The following TACR1 variants were observed in gnomAD, a reference collection of about 807,000 sequenced individuals.
TACR1 encodes tachykinin receptor 1, also known as substance-P receptor.
A neutral mutation model predicts 35.8 loss-of-function variants in TACR1; 25 were observed. That is an observed-to-expected ratio of 0.70 (90% CI 0.51 to 0.98). The LOEUF (loss-of-function observed/expected upper bound fraction) is 0.98, where lower values mean the gene tolerates loss of function less well. TACR1 is among the 50% of genes least tolerant of loss of function. The pLI is 0.00. For missense variants in TACR1, 478 were observed against 522.9 expected (o/e 0.91, Z 0.84); for synonymous variants, 195 against 206.7 (o/e 0.94, Z 0.48).
At chr2:75,089,719 G>A (rs1182954247) in intron 2 of TACR1, among the ~76,000 whole-genome samples, 1 of 152,146 alleles carries the variant, frequency 6.6e-6, no homozygotes. Flanking sequence ...CAGTACCTTA[G>A]GTGAGAGGTG....
chr2:75,145,042 G>A (rs867596996), intron 1 of TACR1, among the ~76,000 whole-genome samples: 53 of 151,916 alleles, frequency 3.5e-4, no homozygotes, highest in Admixed American at 2.9e-3. Context: ...CAGCCTGAGC[G>A]GAATAAGATT....
chr2:75,121,975 A>G (rs920300078), intron 1 of TACR1, among the ~76,000 whole-genome samples: 3 of 152,164 alleles, frequency 2.0e-5, no homozygotes, highest in Admixed American at 6.5e-5. Flanking sequence ...TCTAGACCAG[A>G]ATTAGGACCA....
intron 2 of TACR1, among the ~76,000 whole-genome samples, chr2:75,091,242 C>T (rs540217469): frequency 1.3e-5 from 2 of 150,530 alleles, no homozygotes; most frequent in South Asian, 2.1e-4. Context: ...CCTGAATTTC[C>T]GCTCCTAACT....
intron 2 of TACR1, among the ~76,000 whole-genome samples, chr2:75,069,726 T>C (rs569383276): frequency 6.6e-6 from 1 of 152,350 alleles, no homozygotes; most frequent in Non-Finnish European, 1.5e-5. Context: ...GACAGTCCCT[T>C]ATCTGGAATT....
At chr2:75,163,055 A>G (rs1011556842) in intron 1 of TACR1, among the ~76,000 whole-genome samples, 4 of 152,218 alleles carry the variant, frequency 2.6e-5, no homozygotes, top group Non-Finnish European at 4.4e-5. Context: ...TTCCTGGCTA[A>G]GGCAGTTAAG....
chr2:75,092,612 G>C (rs1361287814), intron 2 of TACR1, among the ~76,000 whole-genome samples: 6 of 152,182 alleles, frequency 3.9e-5, no homozygotes, highest in Non-Finnish European at 8.8e-5. Context: ...TCTGGAATGA[G>C]CCTCCTATGG....
At chr2:75,154,404 GCGCACGCA>G (rs200650248) in intron 1 of TACR1, 1 of 84,422 alleles carries the variant, frequency 1.2e-5, no homozygotes, top group African/African-American at 5.3e-5. Flanking sequence ...AGCCAAGAGC[GCGCACGCA>G]CACACACACA....
intron 1 of TACR1, among the ~76,000 whole-genome samples, chr2:75,156,001 A>G (rs1572964330): frequency 6.6e-6 from 1 of 152,384 alleles, no homozygotes; most frequent in East Asian, 1.9e-4. Flanking sequence ...ACTATTTCAC[A>G]AGTAAAAATT....
chr2:75,132,769 T>C (rs1203904543), intron 1 of TACR1, among the ~76,000 whole-genome samples: 2 of 152,210 alleles, frequency 1.3e-5, no homozygotes, highest in Non-Finnish European at 2.9e-5. Context: ...TGAGAATACT[T>C]CCAGACTGGG....
intron 1 of TACR1, among the ~76,000 whole-genome samples, chr2:75,168,246 A>G (rs1159331066): frequency 6.6e-6 from 1 of 152,106 alleles, no homozygotes; most frequent in African/African-American, 2.4e-5. Context: ...GTGCCCCTCC[A>G]CTCCCAAAAG....
intron 1 of TACR1, among the ~76,000 whole-genome samples, chr2:75,124,433 C>T (rs1674034455): frequency 6.6e-6 from 1 of 152,194 alleles, no homozygotes. Flanking sequence ...TCTTTCTCAT[C>T]CAATTCCAGT....
rs544613046 is a variant in TACR1 at position 75,056,208 on chromosome 2, T to G, written c.585-2453A>C. ...TTTTCTGGTTCTGTATCTGATACTT[T>G]GGCATCTGGGTCCCTGCAGCTCAGG... On this transcript the variant is annotated intron_variant, in intron 2 of 4. Coordinates refer to ENST00000305249, the MANE Select transcript of TACR1 (RefSeq NM_001058.4). Among the ~76,000 whole-genome samples, 5 of 152,326 alleles carry G rather than the reference T, an allele frequency of 3.3e-5. No homozygotes were observed. In the South Asian group the frequency reaches 8.3e-4, roughly 25 times the overall value.
At chr2:75,193,655 T>G (rs1450205142) in intron 1 of TACR1, among the ~76,000 whole-genome samples, 1 of 150,858 alleles carries the variant, frequency 6.6e-6, no homozygotes, top group African/African-American at 2.4e-5. Context: ...GGTCATTTCT[T>G]TTTTTTTTAA....
chr2:75,131,213 C>T (rs535756528), intron 1 of TACR1, among the ~76,000 whole-genome samples: 5 of 151,990 alleles, frequency 3.3e-5, no homozygotes, highest in Admixed American at 3.3e-4. Flanking sequence ...CTCAGCCTCT[C>T]GAGTAGCTGG....
rs1674988663 is a variant in TACR1 at position 75,160,776 on chromosome 2, GA to G, written c.389+37769del. Reference sequence around the variant, plus strand: ...AGAAGTAATGATTTAAGACATAACCGAAAAAAAAGTTCCTTAATGAATAAAA... The same window carrying G: ...AGAAGTAATGATTTAAGACATAACCGAAAAAAAGTTCCTTAATGAATAAAA... On this transcript the variant is annotated intron_variant, in intron 1 of 4. Transcript: ENST00000305249. 8.9e-5 allele frequency among the ~76,000 whole-genome samples: 13 copies of G among 146,114 alleles called. 1 individual carries two copies. In the South Asian group the frequency reaches 2.7e-3, roughly 30 times the overall value.
intron 1 of TACR1, among the ~76,000 whole-genome samples, chr2:75,151,140 T>G (rs568194415): frequency 1.5e-4 from 23 of 152,292 alleles, no homozygotes; most frequent in African/African-American, 4.8e-4. Flanking sequence ...AAATTTGTAG[T>G]CTGACTATGC....
intron 1 of TACR1, among the ~76,000 whole-genome samples, chr2:75,175,844 A>G (rs561671715): frequency 1.1e-4 from 16 of 152,330 alleles, no homozygotes; most frequent in African/African-American, 3.6e-4. Flanking sequence ...TCTGCCTATC[A>G]TAGAAAACAT....
chr2:75,191,892 G>T (rs187131486), intron 1 of TACR1, among the ~76,000 whole-genome samples: 1 of 152,180 alleles, frequency 6.6e-6, no homozygotes, highest in Non-Finnish European at 1.5e-5. Flanking sequence ...CTGGGAACAG[G>T]AAACAAAATA....
rs72807370 is a variant in TACR1 at position 75,111,661 on chromosome 2, G to A, written c.584+8913C>T. 1.8e-3 allele frequency among the ~76,000 whole-genome samples: 268 copies of A among 152,084 alleles called. 1 individual carries two copies. The highest frequency in any genetic ancestry group is 6.8e-3 in the Middle Eastern group (2 of 294). ...AAGATGTGAGAATGCTTGCAATACT[G>A]ATGGGAAAGGATATCCAAGATTGTT... On this transcript the variant is annotated intron_variant, in intron 2 of 4. Coordinates refer to ENST00000305249, the MANE Select transcript of TACR1 (RefSeq NM_001058.4).
Sources: allele counts gnomAD v4.1 joint callset (sites outside exome capture counted in the v4.1 genomes callset), GRCh38; gene constraint gnomAD v4.1.1; transcripts MANE v1.5; gene names NCBI Gene and HGNC (gene_info 2026-07-23, HGNC 2026-07-21).